Variants in TMF1 observed in about 807,000 individuals in gnomAD.
TMF1 encodes TATA element modulatory factor 1.
In TMF1, 71 loss-of-function variants were observed where a neutral mutation model predicts 126.5. That is an observed-to-expected ratio of 0.56 (90% CI 0.46 to 0.68). TMF1 has a LOEUF of 0.68. Ranked by LOEUF, TMF1 falls within the 30% of genes least tolerant of loss-of-function variation. TMF1 has a pLI of 0.00. For synonymous variants in TMF1, 461 were observed against 430.5 expected (o/e 1.07, Z -0.88); for missense variants, 1,259 against 1,253.2 (o/e 1.00, Z -0.07).
At chr3:69,032,958 T>C (rs1206471374) in intron 10 of TMF1, among the ~76,000 whole-genome samples, 1 of 152,078 alleles carries the variant, frequency 6.6e-6, no homozygotes, top group Non-Finnish European at 1.5e-5. Context: ...CTAAGGTCGA[T>C]CTTGACTCTC....
At chr3:69,038,531 T>A (rs1253782327) in intron 8 of TMF1, 33 bp downstream of exon 8, 2 of 1,598,510 alleles carry the variant, frequency 1.3e-6, no homozygotes, top group Non-Finnish European at 1.7e-6. Flanking sequence ...CAAATATTTT[T>A]AAAACTACTC....
At position 69,025,666 on chromosome 3, in the gene TMF1, T is replaced by C. The variant is rs2091763634; in HGVS notation, c.2906A>G (p.Asn969Ser). 6.2e-7 allele frequency: 1 copy of C among 1,614,056 alleles called. No homozygotes were observed. The highest frequency in any genetic ancestry group is 8.5e-7 in the Non-Finnish European group (1 of 1,179,946). Reference protein sequence around the residue: ...HSFGPMPISANGSNLYDAVRM... With the variant: ...HSFGPMPISASGSNLYDAVRM... ...TACAGCATCATAAAGATTGCTTCCA[T>C]TTGCTGATATAGGCATTGGTCCAAA... The change falls in exon 15 of 17, where the codon AAT becomes AGT. Residue 969 changes from asparagine to serine, a missense_variant. Physicochemically the swap from Asn to Ser is conservative, Grantham distance 46. Transcript: ENST00000398559.
At chr3:69,036,703 CTTAAAA>C (rs1396128543) in intron 8 of TMF1, among the ~76,000 whole-genome samples, 1 of 152,082 alleles carries the variant, frequency 6.6e-6, no homozygotes, top group African/African-American at 2.4e-5. Context: ...ACATACAAAA[CTTAAAA>C]TTAAATCAAA....
chr3:69,027,287 T>C (rs2091773893), intron 13 of TMF1, among the ~76,000 whole-genome samples: 2 of 152,146 alleles, frequency 1.3e-5, no homozygotes, highest in Non-Finnish European at 2.9e-5. Flanking sequence ...TGAGTCCCCA[T>C]GCTCAGCCTC....
At chr3:69,044,085 AAG>A (rs2091881987) in intron 3 of TMF1, among the ~76,000 whole-genome samples, 1 of 152,342 alleles carries the variant, frequency 6.6e-6, no homozygotes, top group East Asian at 1.9e-4. Flanking sequence ...ATCTGTTAGA[AAG>A]AGAAAATGTC....
chr3:69,021,486 G>A lies in TMF1; in HGVS notation c.*1691C>T, dbSNP rs2091737286. On this transcript the variant is annotated 3_prime_UTR_variant, in exon 17 of 17. Coordinates refer to ENST00000398559, the MANE Select transcript of TMF1 (RefSeq NM_007114.3). The stretch of plus-strand genomic sequence containing the variant: ...TGAAGAAAATTAATTTTATGAATCT[G>A]GCTCACACTGAAAGAATATTTATTA... 6.6e-6 allele frequency: 1 copy of A among 152,354 alleles called. No individual in the cohort carries two copies. Among genetic ancestry groups the A allele is most frequent in the Non-Finnish European group, 1.5e-5 (1 of 67,986 alleles). 9.4% of individuals were successfully genotyped at this position (152,354 alleles called of 1,614,324 possible).
intron 3 of TMF1, 120 bp downstream of exon 3, chr3:69,044,372 C>A: frequency 1.7e-6 from 1 of 573,916 alleles, no homozygotes; most frequent in Non-Finnish European, 3.0e-6. Context: ...GAAAGCTATA[C>A]AACTTTCAAT....
intron 1 of TMF1, among the ~76,000 whole-genome samples, chr3:69,050,654 T>C (rs144703162): frequency 6.6e-6 from 1 of 152,306 alleles, no homozygotes; most frequent in Non-Finnish European, 1.5e-5. Flanking sequence ...GGGGCACATA[T>C]GAAAAAACAG....
chr3:69,035,132 A>G lies in TMF1; in HGVS notation c.2152-17T>C, dbSNP rs771167739. The stretch of plus-strand genomic sequence containing the variant: ...GTCCCCCACCTGTAGGAGGAGAAAC[A>G]ATACATTCACAAACAATGGTACAGT... On this transcript the variant is annotated splice_polypyrimidine_tract_variant and intron_variant, in intron 8 of 16. Coordinates refer to ENST00000398559, the MANE Select transcript of TMF1 (RefSeq NM_007114.3). 1 of 1,599,860 alleles carries G rather than the reference A, an allele frequency of 6.3e-7. No homozygotes were observed. The highest frequency in any genetic ancestry group is 1.1e-5 in the South Asian group (1 of 90,610).
At chr3:69,051,040 T>G (rs899498188) in intron 1 of TMF1, among the ~76,000 whole-genome samples, 4 of 152,206 alleles carry the variant, frequency 2.6e-5, no homozygotes, top group East Asian at 1.9e-4. Flanking sequence ...TCACACATTT[T>G]CCGGCTAATA....
intron 8 of TMF1, among the ~76,000 whole-genome samples, chr3:69,038,277 T>C (rs1321230071): frequency 1.3e-5 from 2 of 152,222 alleles, no homozygotes; most frequent in African/African-American, 4.8e-5. Flanking sequence ...CAAAATTATA[T>C]GCAATATGTA....
intron 8 of TMF1, among the ~76,000 whole-genome samples, chr3:69,036,989 C>T (rs571555361): frequency 1.3e-5 from 2 of 151,744 alleles, no homozygotes; most frequent in South Asian, 4.2e-4. Context: ...AGAAAGACAA[C>T]CCACAGAGAG....
At chr3:69,050,587 C>T (rs1220186480) in intron 1 of TMF1, among the ~76,000 whole-genome samples, 2 of 152,094 alleles carry the variant, frequency 1.3e-5, no homozygotes, top group Non-Finnish European at 2.9e-5. Flanking sequence ...AAACAAATAT[C>T]CTTATATGTA....
chr3:69,047,721 T>C lies in TMF1; in HGVS notation c.984A>G (p.Ser328=), dbSNP rs1439054358. Residue 328 remains serine, a synonymous_variant, in exon 2 of 17, where the codon TCA becomes TCG. Transcript: ENST00000398559. ...GGCTATCTAATGACTGTACACTAAA[T>C]GAGTCTATTCTTTCAAAAGCATCAG... The part of the protein sequence containing the change: ...CSSDAFERID[S]FSVQSLDSRS... The C allele has an allele frequency of 1.2e-5, 20 of 1,614,096 alleles. No homozygotes were observed. The highest frequency in any genetic ancestry group is 1.6e-5 in the Non-Finnish European group (19 of 1,180,004).
chr3:69,034,914 G>T, intron 9 of TMF1, 109 bp downstream of exon 9: 1 of 990,794 alleles, frequency 1.0e-6, no homozygotes, highest in Non-Finnish European at 1.6e-6. Context: ...AATGCTAGGT[G>T]TGACAGTAAT....
chr3:69,041,755 A>G (rs1366073531), intron 5 of TMF1, among the ~76,000 whole-genome samples: 1 of 152,108 alleles, frequency 6.6e-6, no homozygotes, highest in Non-Finnish European at 1.5e-5. Context: ...TTAAAACTAG[A>G]AAAAATTAAT....
intron 4 of TMF1, among the ~76,000 whole-genome samples, chr3:69,043,135 G>GA (rs549626941): frequency 1.6e-4 from 25 of 152,184 alleles, no homozygotes; most frequent in Non-Finnish European, 2.9e-4. Context: ...GTGTTAATAT[G>GA]AAAATATAAA....
chr3:69,052,210 C>A lies in TMF1; in HGVS notation c.-124G>T. ...TCGGCTGGTTCTGTCAGCGTGTGGCCATTACCCCGACAGCCTCCCGCGAGC... is the reference window on the plus strand; with the variant it reads ...TCGGCTGGTTCTGTCAGCGTGTGGCAATTACCCCGACAGCCTCCCGCGAGC... On this transcript the variant is annotated 5_prime_UTR_variant, in exon 1 of 17. It removes an upstream start codon present in the reference 5' UTR. Coordinates refer to ENST00000398559, the MANE Select transcript of TMF1 (RefSeq NM_007114.3). The A allele has an allele frequency of 8.7e-7, 1 of 1,144,376 alleles. No individual in the cohort carries two copies. The highest frequency in any genetic ancestry group is 1.2e-6 in the Non-Finnish European group (1 of 837,170). The allele number at this position is 1,144,376 out of a possible 1,614,324, so 70.9% of individuals were successfully genotyped here.
In TMF1 at chr3:69,042,821, C is replaced by T; in HGVS notation, c.1670G>A (p.Gly557Glu). ...ACTATACGCACCTTCTTCCATTAACCCTCGGATCTGCTCATCTTTCTCTTT... is the reference window on the plus strand; with the variant it reads ...ACTATACGCACCTTCTTCCATTAACTCTCGGATCTGCTCATCTTTCTCTTT... ...LLKEKDEQIRGLMEEGEKLSK... is the reference protein window; with the variant it reads ...LLKEKDEQIRELMEEGEKLSK... The change falls in exon 5 of 17, where the codon GGG becomes GAG. Residue 557 changes from glycine (G) to glutamate (E), a missense_variant. Gly to Glu is a moderately conservative substitution (Grantham distance 98). Transcript: ENST00000398559. The T allele has an allele frequency of 6.2e-7, 1 of 1,613,464 alleles. No individual in the cohort carries two copies. Among genetic ancestry groups the T allele is most frequent in the Middle Eastern group, 1.7e-4 (1 of 6,058 alleles).
Sources: allele counts gnomAD v4.1 joint callset (sites outside exome capture counted in the v4.1 genomes callset), GRCh38; gene constraint gnomAD v4.1.1; transcripts MANE v1.5; gene names NCBI Gene and HGNC (gene_info 2026-07-23, HGNC 2026-07-21).